SQLE: variants seen among roughly 807,000 people sequenced by gnomAD.
The protein encoded by SQLE is squalene epoxidase.
In SQLE, 29 loss-of-function variants were observed where a neutral mutation model predicts 60.7. That is an observed-to-expected ratio of 0.48 (90% CI 0.36 to 0.65). The LOEUF (loss-of-function observed/expected upper bound fraction) is 0.65, where lower values mean the gene tolerates loss of function less well. SQLE is among the 30% of genes least tolerant of loss of function. The pLI is 0.00. For synonymous variants in SQLE, 237 were observed against 246.8 expected, an observed-to-expected ratio of 0.96 and a Z score of 0.37; for missense variants, 605 against 684.1, an observed-to-expected ratio of 0.88 and a Z score of 1.29.
intron 3 of SQLE, among the ~76,000 whole-genome samples, chr8:125,006,137 C>T (rs548495576): frequency 6.6e-6 from 1 of 152,306 alleles, no homozygotes; most frequent in African/African-American, 2.4e-5. Flanking sequence ...CTGGCTTCTT[C>T]TCTTGTTTAT....
chr8:125,009,466 A>C (rs1056663817), intron 6 of SQLE, 123 bp downstream of exon 6: 1 of 1,010,152 alleles, frequency 9.9e-7, no homozygotes, highest in Admixed American at 3.3e-5. Context: ...TTAAACTAGC[A>C]CTTAAAAACA....
chr8:124,999,459 A>G lies in SQLE; in HGVS notation c.56A>G (p.Asp19Gly), dbSNP rs1296239322. Residue 19 changes from aspartate (D) to glycine (G), a missense_variant, in exon 1 of 11, where the codon GAC (aspartate) becomes GGC (glycine). Asp to Gly is a moderately conservative substitution (Grantham distance 94, BLOSUM62 -1). Coordinates refer to ENST00000265896, the MANE Select transcript of SQLE (RefSeq NM_003129.4). ...TFTYFYKKFG[D>G]FITLANREVL... ...ACCTATTTTTATAAGAAGTTCGGGG[A>G]CTTCATCACTTTGGCCAACAGGGAG... 1 of 1,551,224 alleles carries G rather than the reference A, an allele frequency of 6.4e-7. No homozygotes were observed. Among genetic ancestry groups the G allele is most frequent in the Non-Finnish European group, 8.7e-7 (1 of 1,148,240 alleles).
chr8:125,009,308 A>G lies in SQLE; in HGVS notation c.1073A>G (p.Glu358Gly). 6.2e-7 allele frequency: 1 copy of G among 1,612,654 alleles called. No individual in the cohort carries two copies. The highest frequency in any genetic ancestry group is 8.5e-7 in the Non-Finnish European group (1 of 1,179,612). Residue 358 changes from glutamate (E) to glycine (G), a missense_variant, in exon 6 of 11, where the codon GAA becomes GGA. Transcript: ENST00000265896. The part of the protein sequence containing the change: ...IRGEMPRNLR[E>G]YMVEKIYPQI... ...GGAGAAATGCCAAGGAATTTAAGAG[A>G]ATACATGGTTGAAAAAATTTACCCA...
intron 7 of SQLE, among the ~76,000 whole-genome samples, chr8:125,015,171 A>G (rs1173933314): frequency 1.3e-5 from 2 of 151,988 alleles, no homozygotes; most frequent in Non-Finnish European, 2.9e-5. Flanking sequence ...GCCTCTTTTT[A>G]TAGTTTTTGT....
chr8:125,005,665 TTCA>T lies in SQLE; in HGVS notation c.690_692del (p.Ile230del). 6.2e-7 allele frequency: 1 copy of T among 1,604,528 alleles called. No homozygotes were observed. Among genetic ancestry groups the T allele is most frequent in the Non-Finnish European group, 8.5e-7 (1 of 1,173,816 alleles). On this transcript the variant is annotated inframe_deletion, in exon 3 of 11. Coordinates refer to ENST00000265896, the MANE Select transcript of SQLE (RefSeq NM_003129.4). Reference sequence around the variant, plus strand: ...TGGAAGAGCTTTCCATCACGGAAGATTCATCATGAGTCTCCGGAAAGCAGCTAT... The same window carrying T: ...TGGAAGAGCTTTCCATCACGGAAGATTCATGAGTCTCCGGAAAGCAGCTAT...
intron 1 of SQLE, among the ~76,000 whole-genome samples, chr8:125,001,428 CCTCCAGAGCTCTCCTTT>C (rs895475223): frequency 3.3e-5 from 5 of 149,298 alleles, no homozygotes; most frequent in Admixed American, 1.3e-4. Context: ...GGCCTGTTTT[CCTCCAGAGCTCTCCTTT>C]CAGGGTGTGT....
chr8:125,006,893 CG>C (rs1201630757), intron 3 of SQLE, among the ~76,000 whole-genome samples: 1 of 151,712 alleles, frequency 6.6e-6, no homozygotes, highest in African/African-American at 2.4e-5. Context: ...TTAGTAGAGA[CG>C]GGGTTTCACC....
In SQLE at chr8:125,000,980, C is replaced by G. The variant is rs564342161; in HGVS notation, c.291+1286C>G. On this transcript the variant is annotated intron_variant, in intron 1 of 10. Coordinates refer to ENST00000265896, the MANE Select transcript of SQLE (RefSeq NM_003129.4). ...TTAGACGGGAATGGCACCACCCTTG[C>G]TGGTAGTTAATACCTAGTCTATAAC... 8.5e-5 allele frequency among the ~76,000 whole-genome samples: 13 copies of G among 152,268 alleles called. 1 individual carries two copies. The South Asian group carries it at 1.7e-3, about 19-fold the overall frequency.
At chr8:125,002,852 A>G (rs751779143) in intron 1 of SQLE, among the ~76,000 whole-genome samples, 19 of 152,332 alleles carry the variant, frequency 1.2e-4, no homozygotes, top group South Asian at 1.0e-3. Flanking sequence ...AAGTCTTTGA[A>G]GCCCCTTATA....
In SQLE at chr8:125,022,117, C is replaced by T. The variant is rs1315696457; in HGVS notation, c.*172C>T. On this transcript the variant is annotated 3_prime_UTR_variant, in exon 11 of 11. Transcript: ENST00000265896. ...TTTTTTGTATATAAATATGTAAATA[C>T]ATGCTTTAATTTGCAATTTAAAATG... 2.0e-5 allele frequency: 8 copies of T among 407,718 alleles called. No individual in the cohort carries two copies. The highest frequency in any genetic ancestry group is 3.0e-5 in the Non-Finnish European group (7 of 236,748). 25.3% of individuals were successfully genotyped at this position (407,718 alleles called of 1,614,324 possible). A position where few individuals can be genotyped will look rare whatever the true frequency, so the allele number is the denominator to read the frequency against.
chr8:125,020,757 T>C (rs777446229), intron 9 of SQLE, 27 bp from the exon 10 acceptor site: 3 of 1,448,750 alleles, frequency 2.1e-6, no homozygotes, highest in African/African-American at 1.4e-5. Flanking sequence ...TGTACACATA[T>C]TTGATTATTT....
rs1815215998 is a variant in SQLE at position 125,021,962 on chromosome 8, T to C, written c.*17T>C. 1 of 1,558,096 alleles carries C rather than the reference T, an allele frequency of 6.4e-7. No homozygotes were observed. The highest frequency in any genetic ancestry group is 8.7e-7 in the Non-Finnish European group (1 of 1,146,344). On this transcript the variant is annotated 3_prime_UTR_variant, in exon 11 of 11. Coordinates refer to ENST00000265896, the MANE Select transcript of SQLE (RefSeq NM_003129.4). ...GTTCATTAAGCTTAAAGGGGAACCA[T>C]TTGTGAATGAATATTTGGAACTTAC...
chr8:125,011,686 A>G, intron 7 of SQLE, 54 bp downstream of exon 7: 3 of 1,393,528 alleles, frequency 2.2e-6, no homozygotes, highest in Non-Finnish European at 2.0e-6. Flanking sequence ...AATGACAAAT[A>G]TATGATTAAA....
At chr8:125,019,405 C>A (rs1435130357) in intron 9 of SQLE, among the ~76,000 whole-genome samples, 1 of 151,742 alleles carries the variant, frequency 6.6e-6, no homozygotes, top group Non-Finnish European at 1.5e-5. Flanking sequence ...GACAATAAAG[C>A]AAGACCCCAT....
rs1405261822 is a variant in SQLE, at chr8:124,998,735, T to C, written c.-669T>C. On this transcript the variant is annotated 5_prime_UTR_variant, in exon 1 of 11. Transcript: ENST00000265896. ...AGCGAAACGGGAGGCCTCTAAATCT[T>C]TAGGTTGGGGCTGCATTGCCCTGGA... 1 of 570,690 alleles carries C rather than the reference T, an allele frequency of 1.8e-6. No homozygotes were observed. 35.4% of individuals were successfully genotyped at this position (570,690 alleles called of 1,614,324 possible). A position where few individuals can be genotyped will look rare whatever the true frequency, so the allele number is the denominator to read the frequency against.
rs946504868 is a variant in SQLE, at chr8:124,999,006, C to G, written c.-398C>G. On this transcript the variant is annotated 5_prime_UTR_variant, in exon 1 of 11. Transcript: ENST00000265896. ...CCATTCCCTTCTGAAAGGGCACCTGCTCTTGGTGAGAAAAGAAATTATAGC... is the reference window on the plus strand; with the variant it reads ...CCATTCCCTTCTGAAAGGGCACCTGGTCTTGGTGAGAAAAGAAATTATAGC... 3.6e-6 allele frequency: 1 copy of G among 278,988 alleles called. No individual in the cohort carries two copies. Among genetic ancestry groups the G allele is most frequent in the African/African-American group, 2.2e-5 (1 of 46,080 alleles). 17.3% of individuals were successfully genotyped at this position (278,988 alleles called of 1,614,324 possible).
Position 125,013,507 on chromosome 8 carries a change from C to T in SQLE, c.1204+1875C>T, listed in dbSNP as rs188710656. ...AGCTGGGATTATAGGTGCTCGCCAC[C>T]GTGCCCAGCTAATTTTTGTATTTTT... On this transcript the variant is annotated intron_variant, in intron 7 of 10. Transcript: ENST00000265896. 7.7e-3 allele frequency among the ~76,000 whole-genome samples: 1,172 copies of T among 152,042 alleles called. 11 individuals carry two copies. Among genetic ancestry groups the T allele is most frequent in the African/African-American group, 0.026 (1,094 of 41,456 alleles).
chr8:125,018,047 C>T lies in SQLE; in HGVS notation c.1205-12C>T. 6.2e-7 allele frequency: 1 copy of T among 1,610,554 alleles called. No homozygotes were observed. The highest frequency in any genetic ancestry group is 8.5e-7 in the Non-Finnish European group (1 of 1,179,036). On this transcript the variant is annotated splice_polypyrimidine_tract_variant and intron_variant, in intron 7 of 10. Coordinates refer to ENST00000265896, the MANE Select transcript of SQLE (RefSeq NM_003129.4). ...TGCTCTAAAATAAAATCTTCATTACCTCTCTTCATAGGTGTTCTTCTTTTG... is the reference window on the plus strand; with the variant it reads ...TGCTCTAAAATAAAATCTTCATTACTTCTCTTCATAGGTGTTCTTCTTTTG...
chr8:125,008,859 A>G (rs925683131), intron 4 of SQLE, 112 bp from the exon 5 acceptor site: 17 of 709,212 alleles, frequency 2.4e-5, no homozygotes, highest in African/African-American at 3.6e-5. Flanking sequence ...ACTACTCTCT[A>G]TAATGCTATC....
Sources: allele counts gnomAD v4.1 joint callset (sites outside exome capture counted in the v4.1 genomes callset), GRCh38; gene constraint gnomAD v4.1.1; transcripts MANE v1.5; gene names NCBI Gene and HGNC (gene_info 2026-07-23, HGNC 2026-07-21).